The following STX8 variants were observed in gnomAD, a reference collection of about 807,000 sequenced individuals.
The protein encoded by STX8 is syntaxin 8.
Under a neutral mutation model 37.5 loss-of-function variants are expected in STX8, and 23 were observed. That is an observed-to-expected ratio of 0.61 (90% confidence interval 0.44 to 0.87). The LOEUF (loss-of-function observed/expected upper bound fraction) is 0.87. Among genes scored for constraint, STX8 ranks in the 40% least tolerant of loss-of-function variants. The pLI, the probability that STX8 is intolerant of heterozygous loss-of-function variation, is 0.00. For missense variants in STX8, 313 were observed against 284.7 expected (o/e 1.10, Z -0.71); for synonymous variants, 115 against 99.1 (o/e 1.16, Z -0.95).
chr17:9,440,904 A>G (rs1904626338), intron 6 of STX8, among the ~76,000 whole-genome samples: 1 of 152,028 alleles, frequency 6.6e-6, no homozygotes. Flanking sequence ...CCGGCTCCAT[A>G]TCCTACAAGC....
chr17:9,340,513 C>T (rs1910311638), intron 7 of STX8, among the ~76,000 whole-genome samples: 1 of 152,086 alleles, frequency 6.6e-6, no homozygotes, highest in South Asian at 2.1e-4. Flanking sequence ...CATTTAAATC[C>T]TAAATTCACA....
intron 6 of STX8, among the ~76,000 whole-genome samples, chr17:9,491,196 GCT>G (rs964799885): frequency 6.6e-6 from 1 of 152,102 alleles, no homozygotes; most frequent in African/African-American, 2.4e-5. Flanking sequence ...ACCAGTGTCT[GCT>G]CTCAAGTTTC....
At chr17:9,319,270 T>C (rs762980342) in intron 7 of STX8, among the ~76,000 whole-genome samples, 3 of 151,824 alleles carry the variant, frequency 2.0e-5, no homozygotes, top group Non-Finnish European at 4.4e-5. Context: ...ATACAAAAAA[T>C]TAGCTGGGTG....
intron 6 of STX8, among the ~76,000 whole-genome samples, chr17:9,415,864 C>T (rs1361802133): frequency 6.6e-6 from 1 of 152,228 alleles, no homozygotes; most frequent in Non-Finnish European, 1.5e-5. Flanking sequence ...GCCTTTGAAA[C>T]TCTCATCTAC....
chr17:9,556,802 C>CATATATATATAT (rs1183053093), intron 3 of STX8: 1 of 95,000 alleles, frequency 1.1e-5, no homozygotes, highest in African/African-American at 3.8e-5. Context: ...TATACACATA[C>CATATATATATAT]ATATATATAT....
At chr17:9,516,234 CA>C (rs1275633574) in intron 4 of STX8, among the ~76,000 whole-genome samples, 1 of 140,096 alleles carries the variant, frequency 7.1e-6, no homozygotes, top group African/African-American at 2.7e-5. Flanking sequence ...AGCTGTTATT[CA>C]AGGGGAAAAA....
chr17:9,445,552 C>T (rs889228399), intron 6 of STX8, among the ~76,000 whole-genome samples: 6 of 136,274 alleles, frequency 4.4e-5, no homozygotes, highest in African/African-American at 1.6e-4. Context: ...GAATGAAGAG[C>T]TTTAAAACAC....
chr17:9,461,041 G>A (rs1457098391), intron 6 of STX8, among the ~76,000 whole-genome samples: 1 of 151,094 alleles, frequency 6.6e-6, no homozygotes, highest in African/African-American at 2.4e-5. Flanking sequence ...CCCTGCTTTG[G>A]GGAAAAATAT....
intron 7 of STX8, among the ~76,000 whole-genome samples, chr17:9,349,422 G>A (rs1910633319): frequency 6.8e-6 from 1 of 146,782 alleles, no homozygotes. Flanking sequence ...CTGGGTTCAA[G>A]TGATTCTCCT....
chr17:9,265,301 T>C (rs1907197306), intron 7 of STX8, among the ~76,000 whole-genome samples: 2 of 152,200 alleles, frequency 1.3e-5, no homozygotes. Flanking sequence ...GGGCCCAGAT[T>C]GGGGCAGGAG....
intron 4 of STX8, among the ~76,000 whole-genome samples, chr17:9,527,795 C>T (rs544452274): frequency 1.3e-5 from 2 of 152,304 alleles, no homozygotes; most frequent in African/African-American, 4.8e-5. Flanking sequence ...GTAAATGCCA[C>T]AACTTTTAAG....
intron 6 of STX8, among the ~76,000 whole-genome samples, chr17:9,439,585 T>C (rs1904567383): frequency 6.6e-6 from 1 of 151,158 alleles, no homozygotes; most frequent in East Asian, 1.9e-4. Context: ...AACCTCTGCC[T>C]CCCAGGTTCA....
chr17:9,438,822 A>G (rs1904537463), intron 6 of STX8, among the ~76,000 whole-genome samples: 1 of 151,914 alleles, frequency 6.6e-6, no homozygotes, highest in Non-Finnish European at 1.5e-5. Flanking sequence ...CCAGCTACTC[A>G]GGAGGCTGAG....
chr17:9,492,966 C>A (rs1041081392), intron 5 of STX8, among the ~76,000 whole-genome samples: 1 of 152,008 alleles, frequency 6.6e-6, no homozygotes, highest in African/African-American at 2.4e-5. Context: ...GGCCTGGTGG[C>A]AGACACCTGT....
At chr17:9,424,271 C>T (rs1032441270) in intron 6 of STX8, among the ~76,000 whole-genome samples, 3 of 152,108 alleles carry the variant, frequency 2.0e-5, no homozygotes, top group Admixed American at 6.5e-5. Context: ...GTGCTGGGAA[C>T]TGACGCATTC....
intron 7 of STX8, among the ~76,000 whole-genome samples, chr17:9,371,835 A>G (rs1911410441): frequency 6.6e-6 from 1 of 152,144 alleles, no homozygotes; most frequent in Admixed American, 6.5e-5. Flanking sequence ...TTTTTAAAAT[A>G]TATTTTAAAA....
intron 7 of STX8, among the ~76,000 whole-genome samples, chr17:9,275,110 C>T (rs1474013077): frequency 6.6e-6 from 1 of 152,142 alleles, no homozygotes; most frequent in Non-Finnish European, 1.5e-5. Context: ...CATTACTTGA[C>T]TGTTCAAGTT....
chr17:9,471,419 G>A (rs113115294), intron 6 of STX8, among the ~76,000 whole-genome samples: 2,306 of 152,070 alleles, frequency 0.015, 63 homozygotes, highest in African/African-American at 0.053. Context: ...CCAAAGTGCT[G>A]GGATTACAGG....
intron 6 of STX8, among the ~76,000 whole-genome samples, chr17:9,488,819 AGAGT>A (rs1025737831): frequency 2.2e-5 from 2 of 92,546 alleles, no homozygotes; most frequent in Non-Finnish European, 5.3e-5. Flanking sequence ...AGAGAGAGAG[AGAGT>A]GTGTGTGTGT....
Sources: allele counts gnomAD v4.1 joint callset (sites outside exome capture counted in the v4.1 genomes callset), GRCh38; gene constraint gnomAD v4.1.1; transcripts MANE v1.5; gene names NCBI Gene and HGNC (gene_info 2026-07-23, HGNC 2026-07-21).